Variants in SNTB1 observed in about 807,000 individuals in gnomAD.
SNTB1 encodes the protein beta-1-syntrophin.
SNTB1 carries 36 observed loss-of-function variants against 48.9 expected under a neutral mutation model. That is an observed-to-expected ratio of 0.74 (90% CI 0.56 to 0.97). The LOEUF (loss-of-function observed/expected upper bound fraction) is 0.97. Among genes scored for constraint, SNTB1 ranks in the 50% least tolerant of loss-of-function variants. The pLI is 0.00. For synonymous variants in SNTB1, 299 were observed against 294.6 expected (o/e 1.01, Z -0.15); for missense variants, 786 against 703.4 (o/e 1.12, Z -1.33).
At chr8:120,631,664 C>T (rs1291223619) in intron 3 of SNTB1, among the ~76,000 whole-genome samples, 1 of 152,016 alleles carries the variant, frequency 6.6e-6, no homozygotes, top group African/African-American at 2.4e-5. Flanking sequence ...GGCAAAGGCT[C>T]GATCCTTTGA....
chr8:120,795,951 A>C (rs2130166029), intron 1 of SNTB1, among the ~76,000 whole-genome samples: 1 of 152,066 alleles, frequency 6.6e-6, no homozygotes, highest in African/African-American at 2.4e-5. Flanking sequence ...GGCCCACCCT[A>C]ATGACCTCAC....
intron 5 of SNTB1, among the ~76,000 whole-genome samples, chr8:120,546,422 G>A (rs915973109): frequency 1.6e-4 from 24 of 152,050 alleles, no homozygotes; most frequent in African/African-American, 5.6e-4. Flanking sequence ...CATGGTATGC[G>A]TTTACCTAGT....
chr8:120,623,247 C>A (rs556262406), intron 3 of SNTB1, among the ~76,000 whole-genome samples: 2 of 152,332 alleles, frequency 1.3e-5, no homozygotes, highest in East Asian at 3.9e-4. Context: ...GCCTCATGAT[C>A]ATTGTAAGGC....
intron 2 of SNTB1, among the ~76,000 whole-genome samples, chr8:120,673,134 T>C (rs182123951): frequency 6.6e-5 from 10 of 152,276 alleles, no homozygotes; most frequent in Admixed American, 5.2e-4. Flanking sequence ...CTTCCTGTTA[T>C]TGCTAACTTC....
At chr8:120,636,484 T>C (rs888424558) in intron 2 of SNTB1, among the ~76,000 whole-genome samples, 5 of 131,806 alleles carry the variant, frequency 3.8e-5, no homozygotes, top group African/African-American at 1.4e-4. Flanking sequence ...TGAGTGAGAA[T>C]ATGCGGTGTT....
intron 2 of SNTB1, among the ~76,000 whole-genome samples, chr8:120,658,064 C>T (rs181119223): frequency 1.2e-4 from 19 of 152,308 alleles, no homozygotes; most frequent in Admixed American, 2.6e-4. Context: ...AAATATCACT[C>T]ATCCATTCAG....
chr8:120,654,593 T>C (rs2129728959), intron 2 of SNTB1, among the ~76,000 whole-genome samples: 1 of 152,236 alleles, frequency 6.6e-6, no homozygotes, highest in South Asian at 2.1e-4. Flanking sequence ...AATTATACGC[T>C]CACTCTCGAT....
chr8:120,584,683 A>T (rs1256574622), intron 3 of SNTB1, among the ~76,000 whole-genome samples: 2 of 152,164 alleles, frequency 1.3e-5, no homozygotes, highest in East Asian at 3.9e-4. Flanking sequence ...TCATATGTTG[A>T]AGTCCTGACC....
chr8:120,634,973 T>C (rs2130756989), intron 2 of SNTB1, among the ~76,000 whole-genome samples: 1 of 151,784 alleles, frequency 6.6e-6, no homozygotes, highest in Admixed American at 6.6e-5. Context: ...TGCCTCAGCC[T>C]CCCGAGTAGC....
At chr8:120,594,977 G>A (rs1309682248) in intron 3 of SNTB1, among the ~76,000 whole-genome samples, 1 of 151,928 alleles carries the variant, frequency 6.6e-6, no homozygotes, top group Non-Finnish European at 1.5e-5. Flanking sequence ...TTTATGTTAT[G>A]TATATTTTAC....
intron 1 of SNTB1, among the ~76,000 whole-genome samples, chr8:120,756,669 C>A (rs527408130): frequency 2.6e-5 from 4 of 152,168 alleles, no homozygotes; most frequent in African/African-American, 2.4e-5. Flanking sequence ...AGAGAAGAGT[C>A]ATCTCTGCCT....
Position 120,535,810 on chromosome 8 carries a change from G to A in SNTB1, c.*3067C>T, listed in dbSNP as rs1372195760. ...ATAAATTTTACATAATATTCATGGT[G>A]CTATAAATATAGGCACATTTTTTAA... is the stretch of plus-strand genomic sequence containing the variant. On this transcript the variant is annotated 3_prime_UTR_variant, in exon 7 of 7. Transcript: ENST00000517992. The A allele has an allele frequency of 1.3e-5, 2 of 152,062 alleles. No homozygotes were observed. The highest frequency in any genetic ancestry group is 4.8e-5 in the African/African-American group (2 of 41,408). The allele number at this position is 152,062 out of a possible 1,614,324, so 9.4% of individuals were successfully genotyped here.
chr8:120,559,317 G>A (rs1159918781), intron 4 of SNTB1, among the ~76,000 whole-genome samples: 3 of 152,212 alleles, frequency 2.0e-5, no homozygotes, highest in Non-Finnish European at 4.4e-5. Flanking sequence ...CTGGGGGATA[G>A]AAGTTGCCTA....
chr8:120,585,108 A>G (rs1051143739), intron 3 of SNTB1, among the ~76,000 whole-genome samples: 2 of 152,178 alleles, frequency 1.3e-5, no homozygotes, highest in African/African-American at 4.8e-5. Context: ...AGCCCTAACA[A>G]GGGCATTCGA....
chr8:120,811,823 C>T lies in SNTB1; in HGVS notation c.21G>A (p.Ala7=), dbSNP rs190526297. 3 of 1,350,486 alleles carry T rather than the reference C, an allele frequency of 2.2e-6. No individual in the cohort carries two copies. The highest frequency in any genetic ancestry group is 2.2e-4 in the Middle Eastern group (1 of 4,558). The allele number at this position is 1,350,486 out of a possible 1,614,324, so 83.7% of individuals were successfully genotyped here. A position where few individuals can be genotyped will look rare whatever the true frequency, so the allele number is the denominator to read the frequency against. The change falls in exon 1 of 7, where the codon GCG becomes GCA. Residue 7 remains alanine (A), a synonymous_variant. Transcript: ENST00000517992. MAVAAA[A]AAAGPAGAGG... ...CCGCGCCAGCCGGCCCAGCCGCCGC[C>T]GCCGCCGCCGCTACCGCCATCTTTC...
rs115653823 is a variant in SNTB1 at position 120,748,479 on chromosome 8, G to A, written c.572-54571C>T. 8.8e-3 allele frequency among the ~76,000 whole-genome samples: 1,335 copies of A among 152,300 alleles called. 15 individuals are homozygous for A. Among genetic ancestry groups the A allele is most frequent in the African/African-American group, 0.031 (1,295 of 41,556 alleles). ...TAAAGACTAGAGGGAAAGGGATGGTGAAGTGATTTGCTGTCTGGAAAAGTC... is the reference window on the plus strand; with the variant it reads ...TAAAGACTAGAGGGAAAGGGATGGTAAAGTGATTTGCTGTCTGGAAAAGTC... On this transcript the variant is annotated intron_variant, in intron 1 of 6. Coordinates refer to ENST00000517992, the MANE Select transcript of SNTB1 (RefSeq NM_021021.4).
At chr8:120,773,536 C>G (rs2130107356) in intron 1 of SNTB1, among the ~76,000 whole-genome samples, 1 of 152,190 alleles carries the variant, frequency 6.6e-6, no homozygotes, top group South Asian at 2.1e-4. Flanking sequence ...CACTGTGTTC[C>G]ATGGTAGCCC....
chr8:120,770,841 C>T (rs1261518950), intron 1 of SNTB1, among the ~76,000 whole-genome samples: 1 of 152,054 alleles, frequency 6.6e-6, no homozygotes, highest in Admixed American at 6.6e-5. Context: ...AAGTACAGAC[C>T]TTTAATGATG....
At chr8:120,686,221 A>G (rs1430342251) in intron 2 of SNTB1, among the ~76,000 whole-genome samples, 1 of 152,178 alleles carries the variant, frequency 6.6e-6, no homozygotes, top group African/African-American at 2.4e-5. Context: ...CCACTTCTAC[A>G]TTTTTAGGTA....
Sources: gnomAD v4.1 joint callset for allele counts (sites outside exome capture counted in the v4.1 genomes callset) on GRCh38, gnomAD v4.1.1 for gene constraint, MANE v1.5 for transcripts, NCBI Gene and HGNC (gene_info 2026-07-23, HGNC 2026-07-21) for gene names.